Variants in SH3RF2 observed in about 807,000 individuals in gnomAD.
SH3RF2 encodes SH3 domain containing ring finger 2.
In SH3RF2, 43 loss-of-function variants were observed where a neutral mutation model predicts 59.0. The ratio of observed to expected loss-of-function variants is 0.73; its 90% confidence interval spans 0.57 to 0.94. SH3RF2 has a LOEUF of 0.94. Ranked by LOEUF, SH3RF2 falls within the 40% of genes least tolerant of loss-of-function variation. The pLI is 0.00. For missense variants in SH3RF2, 930 were observed against 940.1 expected, an observed-to-expected ratio of 0.99 and a Z score of 0.14; for synonymous variants, 391 against 391.5, an observed-to-expected ratio of 1.00 and a Z score of 0.01.
chr5:146,062,350 T>C, intron 9 of SH3RF2, 76 bp from the exon 10 acceptor site: 1 of 1,537,944 alleles, frequency 6.5e-7, no homozygotes, highest in Non-Finnish European at 8.8e-7. Flanking sequence ...AATGAGACAT[T>C]TCAAGTGGGG....
chr5:146,048,314 CA>C lies in SH3RF2; in HGVS notation c.1151+464del, dbSNP rs34925445. Among the ~76,000 whole-genome samples the C allele has an allele frequency of 4.5e-3, 622 of 138,466 alleles. 3 individuals are homozygous for C. Among genetic ancestry groups the C allele is most frequent in the African/African-American group, 0.013 (468 of 36,820 alleles). The allele number at this position is 138,466 out of a possible 152,430, so 90.8% of individuals were successfully genotyped here. On this transcript the variant is annotated intron_variant, in intron 6 of 9. Coordinates refer to ENST00000359120, the MANE Select transcript of SH3RF2 (RefSeq NM_152550.4). ...TGGGCCACAGAGTGAGACCCTGTCTCAAAAAAAAAAAAAGACAACACAAATT... is the reference window on the plus strand; with the variant it reads ...TGGGCCACAGAGTGAGACCCTGTCTCAAAAAAAAAAAAGACAACACAAATT...
chr5:145,966,837 C>T (rs1404337134), intron 2 of SH3RF2, among the ~76,000 whole-genome samples: 5 of 152,142 alleles, frequency 3.3e-5, no homozygotes, highest in Non-Finnish European at 7.4e-5. Flanking sequence ...GTCTGGGTAA[C>T]ATGTTGAAAT....
At chr5:146,046,596 A>G (rs558551641) in intron 5 of SH3RF2, among the ~76,000 whole-genome samples, 1 of 152,312 alleles carries the variant, frequency 6.6e-6, no homozygotes, top group Admixed American at 6.5e-5. Context: ...AGCTACAAGT[A>G]CGTATTGAGC....
intron 2 of SH3RF2, among the ~76,000 whole-genome samples, chr5:145,943,091 G>A (rs1408742248): frequency 6.6e-6 from 1 of 151,682 alleles, no homozygotes; most frequent in Non-Finnish European, 1.5e-5. Context: ...TATATAAAGA[G>A]CTTAGCACAA....
chr5:145,995,651 G>T (rs1760119789), intron 2 of SH3RF2, among the ~76,000 whole-genome samples: 1 of 152,042 alleles, frequency 6.6e-6, no homozygotes, highest in Non-Finnish European at 1.5e-5. Flanking sequence ...TTATAGAAAA[G>T]TTAGAGAACA....
At chr5:145,972,680 G>T (rs1434408252) in intron 2 of SH3RF2, among the ~76,000 whole-genome samples, 3 of 152,198 alleles carry the variant, frequency 2.0e-5, no homozygotes, top group Non-Finnish European at 2.9e-5. Flanking sequence ...TCACCCCAGA[G>T]GTGATTGCTC....
chr5:146,068,786 T>C (rs763200286), intron 9 of SH3RF2, among the ~76,000 whole-genome samples: 3 of 152,236 alleles, frequency 2.0e-5, no homozygotes, highest in Non-Finnish European at 4.4e-5. Context: ...GGATCTTTTC[T>C]GGATTTGGGG....
chr5:146,069,618 G>A (rs1178802480), intron 9 of SH3RF2, among the ~76,000 whole-genome samples: 1 of 152,122 alleles, frequency 6.6e-6, no homozygotes, highest in Non-Finnish European at 1.5e-5. Flanking sequence ...CTGTCACCCA[G>A]TCTGGAGTGC....
intron 8 of SH3RF2, 108 bp from the exon 9 acceptor site, chr5:146,059,758 G>A (rs774882580): frequency 1.3e-5 from 10 of 756,836 alleles, no homozygotes; most frequent in Non-Finnish European, 2.0e-5. Context: ...GTCAGATTAG[G>A]AAAGCGCTTG....
chr5:145,999,908 A>G, intron 2 of SH3RF2, 150 bp from the exon 3 acceptor site: 1 of 810,640 alleles, frequency 1.2e-6, no homozygotes, highest in Non-Finnish European at 1.9e-6. Flanking sequence ...GACCTATTTA[A>G]CACAGGTTGC....
chr5:146,021,759 C>T (rs1297392449), intron 5 of SH3RF2, among the ~76,000 whole-genome samples: 1 of 152,142 alleles, frequency 6.6e-6, no homozygotes, highest in Non-Finnish European at 1.5e-5. Context: ...TCATGAGCCA[C>T]CCAGAGATAC....
chr5:146,068,479 A>C (rs1384463815), intron 9 of SH3RF2, among the ~76,000 whole-genome samples: 1 of 152,230 alleles, frequency 6.6e-6, no homozygotes, highest in Non-Finnish European at 1.5e-5. Flanking sequence ...AGCTAAGAGA[A>C]GATAGTACTA....
chr5:145,948,095 G>A (rs368141232), intron 2 of SH3RF2, among the ~76,000 whole-genome samples: 2 of 152,316 alleles, frequency 1.3e-5, no homozygotes, highest in Non-Finnish European at 2.9e-5. Flanking sequence ...GACTTACTAT[G>A]TGTCATTCAC....
At chr5:145,997,615 T>C in intron 2 of SH3RF2, 1 of 1,595,114 alleles carries the variant, frequency 6.3e-7, no homozygotes, top group Admixed American at 1.7e-5. Flanking sequence ...TTTAAGAAAA[T>C]TACTTATCCT....
At chr5:146,006,601 G>A (rs1470721954) in intron 4 of SH3RF2, among the ~76,000 whole-genome samples, 1 of 152,080 alleles carries the variant, frequency 6.6e-6, no homozygotes, top group Non-Finnish European at 1.5e-5. Flanking sequence ...TGTAGCCAGG[G>A]GAAAAAGGAA....
intron 2 of SH3RF2, among the ~76,000 whole-genome samples, chr5:145,947,457 A>G (rs75224903): frequency 0.019 from 2,881 of 152,312 alleles, 28 homozygotes; most frequent in Non-Finnish European, 0.028. Context: ...ATTTAATGAG[A>G]TGATGCCTAT....
At chr5:146,064,620 A>G (rs1358961513), downstream of SH3RF2, among the ~76,000 whole-genome samples, 8 of 123,412 alleles carry the variant, frequency 6.5e-5, no homozygotes, top group African/African-American at 2.5e-4. Flanking sequence ...AGAGAGGGAG[A>G]GAGAGAGAGG....
chr5:145,944,547 A>G (rs4122930), intron 2 of SH3RF2, among the ~76,000 whole-genome samples: 1 of 151,996 alleles, frequency 6.6e-6, no homozygotes, highest in African/African-American at 2.4e-5. Context: ...TCATGCTTGT[A>G]CTTTAGACCA....
intron 5 of SH3RF2, among the ~76,000 whole-genome samples, chr5:146,034,353 C>G (rs990894859): frequency 2.6e-5 from 4 of 152,168 alleles, no homozygotes; most frequent in African/African-American, 7.2e-5. Context: ...CCAGGCACCA[C>G]AGGCTGGGAC....
Sources: allele counts gnomAD v4.1 joint callset (sites outside exome capture counted in the v4.1 genomes callset), GRCh38; gene constraint gnomAD v4.1.1; transcripts MANE v1.5; gene names NCBI Gene and HGNC (gene_info 2026-07-23, HGNC 2026-07-21).